PLA1A: variants seen among roughly 807,000 people sequenced by gnomAD.
PLA1A encodes the protein phosphatidylserine-specific phospholipase A1alpha.
In PLA1A, 47 loss-of-function variants were observed where a neutral mutation model predicts 49.4. That is an observed-to-expected ratio of 0.95 (90% CI 0.75 to 1.21). The LOEUF (loss-of-function observed/expected upper bound fraction) is 1.21. Ranked by LOEUF, PLA1A falls within the 50% of genes most tolerant of loss-of-function variation. The probability of loss-of-function intolerance (pLI) is 0.00; values close to 1 mark genes in which losing one functional copy is unlikely to be tolerated. For missense variants in PLA1A, 561 were observed against 563.9 expected, an observed-to-expected ratio of 0.99 and a Z score of 0.05; for synonymous variants, 224 against 207.9, an observed-to-expected ratio of 1.08 and a Z score of -0.67.
intron 8 of PLA1A, among the ~76,000 whole-genome samples, chr3:119,621,271 C>T (rs1262246756): frequency 6.6e-6 from 1 of 152,216 alleles, no homozygotes; most frequent in African/African-American, 2.4e-5. Flanking sequence ...CATGTTTTTT[C>T]TGACTCTTTT....
chr3:119,608,803 A>G lies in PLA1A; in HGVS notation c.309A>G (p.Thr103=). ...VLGTKPSWID[T]FIRTLLRATN... ...GAACAAAGCCTTCCTGGATTGACAC[A>G]TTTATTAGAACCCTTCTGCGTGCAA... The change falls in exon 3 of 11, where the codon ACA becomes ACG. Residue 103 remains threonine, a synonymous_variant. Transcript: ENST00000273371. The G allele has an allele frequency of 1.2e-6, 2 of 1,614,030 alleles. No homozygotes were observed. The highest frequency in any genetic ancestry group is 1.7e-6 in the Non-Finnish European group (2 of 1,179,908).
chr3:119,616,058 C>G lies in PLA1A; in HGVS notation c.711C>G (p.Asn237Lys), dbSNP rs113593671. ...TTGGACATGTGGACTACTTCGTCAA[C>G]GGAGGCCAAGACCAACCTGGCTGCC... ...IPVGHVDYFV[N>K]GGQDQPGCPT... is the part of the protein sequence containing the mutation. Residue 237 changes from asparagine (N) to lysine (K), a missense_variant, in exon 6 of 11, where the codon AAC becomes AAG. Coordinates refer to ENST00000273371, the MANE Select transcript of PLA1A (RefSeq NM_015900.4). 1.2e-5 allele frequency: 20 copies of G among 1,613,484 alleles called. No homozygotes were observed. Among genetic ancestry groups the G allele is most frequent in the Non-Finnish European group, 1.7e-5 (20 of 1,179,568 alleles).
chr3:119,610,514 T>G (rs1560080272), intron 4 of PLA1A, among the ~76,000 whole-genome samples: 1 of 152,168 alleles, frequency 6.6e-6, no homozygotes. Flanking sequence ...TTTTTTATAA[T>G]AGCAATTCTG....
At chr3:119,598,031 G>A in intron 1 of PLA1A, 45 bp downstream of exon 1, 2 of 1,261,794 alleles carry the variant, frequency 1.6e-6, no homozygotes, top group Non-Finnish European at 2.3e-6. Context: ...TTCAGTCAGT[G>A]ATCATATTTC....
intron 1 of PLA1A, among the ~76,000 whole-genome samples, chr3:119,604,761 T>G (rs1489407258): frequency 1.3e-5 from 2 of 152,190 alleles, no homozygotes; most frequent in African/African-American, 4.8e-5. Flanking sequence ...TTCAGCAATA[T>G]GTGTCCATGA....
chr3:119,611,816 G>A (rs1017828221), intron 4 of PLA1A, among the ~76,000 whole-genome samples: 9 of 152,114 alleles, frequency 5.9e-5, no homozygotes, highest in East Asian at 1.9e-4. Flanking sequence ...TTTGACTTCC[G>A]CTTTTCCTAT....
chr3:119,618,425 C>T (rs2082883122), intron 7 of PLA1A, among the ~76,000 whole-genome samples: 1 of 152,190 alleles, frequency 6.6e-6, no homozygotes, highest in South Asian at 2.1e-4. Flanking sequence ...ACACACCCTT[C>T]CCACATACAG....
At chr3:119,608,141 G>A (rs1198941594) in intron 2 of PLA1A, among the ~76,000 whole-genome samples, 1 of 150,646 alleles carries the variant, frequency 6.6e-6, no homozygotes, top group Non-Finnish European at 1.5e-5. Context: ...TAAATCAGTG[G>A]GTGAATGAGA....
intron 1 of PLA1A, among the ~76,000 whole-genome samples, chr3:119,599,108 G>A (rs1227186964): frequency 6.6e-6 from 1 of 152,176 alleles, no homozygotes; most frequent in Non-Finnish European, 1.5e-5. Context: ...AATAGGCTCT[G>A]TCTGGGTCGG....
chr3:119,603,077 G>T (rs1206789267), intron 1 of PLA1A, among the ~76,000 whole-genome samples: 1 of 152,200 alleles, frequency 6.6e-6, no homozygotes, highest in Admixed American at 6.5e-5. Flanking sequence ...GATTAGCTCA[G>T]TTAGGGCCTT....
intron 5 of PLA1A, among the ~76,000 whole-genome samples, chr3:119,613,866 C>G (rs1391511025): frequency 6.6e-6 from 1 of 150,632 alleles, no homozygotes; most frequent in Non-Finnish European, 1.5e-5. Context: ...GCACGCCAGC[C>G]TGAGCGACAG....
In PLA1A at chr3:119,629,514, T is replaced by TTTTTTA. The variant is rs2052596671; in HGVS notation, c.*46_*47insTTTTTA. 9.5e-7 allele frequency: 1 copy of TTTTTTA among 1,047,700 alleles called. No homozygotes were observed. 64.9% of individuals were successfully genotyped at this position (1,047,700 alleles called of 1,614,324 possible). On this transcript the variant is annotated 3_prime_UTR_variant, in exon 11 of 11. Coordinates refer to ENST00000273371, the MANE Select transcript of PLA1A (RefSeq NM_015900.4). ...TCTCCCTGCATTTTTTTTTTTTTTTTGAGAGAGAGGTGTGATGAGGGATGT... is the reference window on the plus strand; with the variant it reads ...TCTCCCTGCATTTTTTTTTTTTTTTTTTTTTAGAGAGAGAGGTGTGATGAGGGATGT...
chr3:119,603,138 G>C (rs1461929460), intron 1 of PLA1A, among the ~76,000 whole-genome samples: 1 of 151,544 alleles, frequency 6.6e-6, no homozygotes, highest in Non-Finnish European at 1.5e-5. Context: ...AAGGCTTGGA[G>C]ACTTTTGCAC....
chr3:119,605,607 A>T (rs2107778476), intron 1 of PLA1A, among the ~76,000 whole-genome samples: 1 of 152,324 alleles, frequency 6.6e-6, no homozygotes, highest in South Asian at 2.1e-4. Context: ...TGGTGGCAGC[A>T]ATGCTGTGTG....
chr3:119,600,315 G>C, intron 1 of PLA1A: 1 of 697,416 alleles, frequency 1.4e-6, no homozygotes. Flanking sequence ...TTAGATTGTT[G>C]AGCTCCTTGA....
intron 5 of PLA1A, 117 bp from the exon 6 acceptor site, chr3:119,615,895 A>C: frequency 1.5e-6 from 1 of 675,394 alleles, no homozygotes. Flanking sequence ...GTGAAGTCTC[A>C]CAGCACTTAG....
At chr3:119,599,177 T>C (rs2082581080) in intron 1 of PLA1A, among the ~76,000 whole-genome samples, 1 of 152,184 alleles carries the variant, frequency 6.6e-6, no homozygotes. Flanking sequence ...CTTGAGGAAG[T>C]GGCTTTCTTT....
chr3:119,628,955 CTCA>C, intron 10 of PLA1A, 90 bp downstream of exon 10: 1 of 1,010,678 alleles, frequency 9.9e-7, no homozygotes, highest in East Asian at 2.4e-5. Flanking sequence ...GAGGTTCAAT[CTCA>C]TCATAGTGAT....
intron 6 of PLA1A, 74 bp downstream of exon 6, chr3:119,616,175 C>A: frequency 1.1e-6 from 1 of 904,266 alleles, no homozygotes; most frequent in African/African-American, 1.6e-5. Flanking sequence ...TGTGTTGAGT[C>A]AGCCAGAGTG....
Sources: gnomAD v4.1 joint callset for allele counts (sites outside exome capture counted in the v4.1 genomes callset) on GRCh38, gnomAD v4.1.1 for gene constraint, MANE v1.5 for transcripts, NCBI Gene and HGNC (gene_info 2026-07-23, HGNC 2026-07-21) for gene names.